Variants in RIT2 observed in about 807,000 individuals in gnomAD.
RIT2 encodes the protein GTP-binding protein Rit2.
In RIT2, 24 loss-of-function variants were observed where a neutral mutation model predicts 23.7. The ratio of observed to expected loss-of-function variants is 1.01; its 90% CI spans 0.73 to 1.43. The LOEUF is 1.43. Ranked by LOEUF, RIT2 falls within the 40% of genes most tolerant of loss-of-function variation. The probability of loss-of-function intolerance (pLI) is 0.00; values close to 1 mark genes in which losing one functional copy is unlikely to be tolerated. For synonymous variants in RIT2, 107 were observed against 91.1 expected (o/e 1.17, Z -0.99); for missense variants, 236 against 266.9 (o/e 0.88, Z 0.81).
At chr18:42,933,582 T>C (rs986743788) in intron 3 of RIT2, among the ~76,000 whole-genome samples, 1 of 152,152 alleles carries the variant, frequency 6.6e-6, no homozygotes, top group African/African-American at 2.4e-5. Flanking sequence ...TCATGAAATG[T>C]AATGGTTTCA....
chr18:42,977,268 C>T (rs913684010), intron 2 of RIT2, among the ~76,000 whole-genome samples: 1 of 151,296 alleles, frequency 6.6e-6, no homozygotes, highest in African/African-American at 2.5e-5. Context: ...CACAGTTTTA[C>T]ACATTATCTG....
At chr18:42,846,565 CCATCAATATATAAATGAA>C (rs1906914990) in intron 4 of RIT2, among the ~76,000 whole-genome samples, 1 of 151,788 alleles carries the variant, frequency 6.6e-6, no homozygotes, top group African/African-American at 2.4e-5. Flanking sequence ...CAAACCAAAT[CCATCAATATATAAATGAA>C]CATTAAATCA....
chr18:42,797,151 G>A (rs1905389351), intron 4 of RIT2, among the ~76,000 whole-genome samples: 1 of 152,060 alleles, frequency 6.6e-6, no homozygotes, highest in Admixed American at 6.5e-5. Context: ...ATAAATATTA[G>A]TCTCCTTCCC....
intron 4 of RIT2, among the ~76,000 whole-genome samples, chr18:42,810,708 T>A (rs575011667): frequency 6.6e-6 from 1 of 152,136 alleles, no homozygotes; most frequent in South Asian, 2.1e-4. Context: ...TTTTCTTGGC[T>A]TTCTTCAAGA....
intron 1 of RIT2, among the ~76,000 whole-genome samples, chr18:43,110,396 G>A (rs1913926156): frequency 6.6e-6 from 1 of 151,980 alleles, no homozygotes; most frequent in African/African-American, 2.4e-5. Context: ...GAATAAATTT[G>A]ATTCTGAACT....
intron 2 of RIT2, among the ~76,000 whole-genome samples, chr18:43,030,213 G>A (rs1415559253): frequency 6.6e-6 from 1 of 151,972 alleles, no homozygotes; most frequent in Non-Finnish European, 1.5e-5. Flanking sequence ...CTAAAAGAAT[G>A]CATAAAAGAA....
intron 1 of RIT2, among the ~76,000 whole-genome samples, chr18:43,098,649 T>C: frequency 6.6e-6 from 1 of 151,914 alleles, no homozygotes; most frequent in South Asian, 2.1e-4. Flanking sequence ...AACTAGTGCT[T>C]ATGAGGAAGT....
rs976806596 is a variant in RIT2 at position 42,962,272 on chromosome 18, T to C, written c.234+11802A>G. On this transcript the variant is annotated intron_variant, in intron 3 of 4. Transcript: ENST00000326695. ...CATTTTACTATTAATGGAGCTTTTC[T>C]GTATTATAGCAGGACAATGAGAAAA... 6.6e-5 allele frequency among the ~76,000 whole-genome samples: 10 copies of C among 152,200 alleles called. No individual in the cohort carries two copies. In the East Asian group the frequency reaches 1.7e-3, roughly 26 times the overall value.
chr18:42,750,999 A>ATAAT (rs1320576519), intron 4 of RIT2, among the ~76,000 whole-genome samples: 43 of 151,920 alleles, frequency 2.8e-4, no homozygotes, highest in African/African-American at 1.0e-3. Context: ...CTGTAAACCT[A>ATAAT]TAATTGTTCA....
chr18:42,852,403 A>G (rs1907078192), intron 4 of RIT2, among the ~76,000 whole-genome samples: 1 of 152,194 alleles, frequency 6.6e-6, no homozygotes, highest in South Asian at 2.1e-4. Context: ...AGGATACATA[A>G]CAAAATATTA....
intron 3 of RIT2, among the ~76,000 whole-genome samples, chr18:42,955,477 A>AGAGGGT (rs1464840670): frequency 3.3e-5 from 5 of 152,148 alleles, no homozygotes; most frequent in Admixed American, 3.3e-4. Flanking sequence ...TAAGTTTTAA[A>AGAGGGT]GAGGGTACTG....
At chr18:42,982,347 A>G (rs1910616844) in intron 2 of RIT2, among the ~76,000 whole-genome samples, 1 of 152,130 alleles carries the variant, frequency 6.6e-6, no homozygotes, top group Admixed American at 6.5e-5. Flanking sequence ...GGTGCTGCCA[A>G]CGTTGATGGC....
At chr18:42,857,242 G>A (rs1311045700) in intron 4 of RIT2, among the ~76,000 whole-genome samples, 2 of 152,178 alleles carry the variant, frequency 1.3e-5, no homozygotes, top group Non-Finnish European at 2.9e-5. Context: ...AACATTATGT[G>A]TCCTAAAATA....
intron 1 of RIT2, among the ~76,000 whole-genome samples, chr18:43,041,683 T>C (rs1912132202): frequency 6.6e-6 from 1 of 152,130 alleles, no homozygotes; most frequent in African/African-American, 2.4e-5. Flanking sequence ...CATGCACATA[T>C]TTTTATTTAA....
chr18:42,744,365 C>A (rs1377245951), intron 4 of RIT2, among the ~76,000 whole-genome samples: 2 of 152,002 alleles, frequency 1.3e-5, no homozygotes, highest in Admixed American at 6.6e-5. Flanking sequence ...AAGAGAGAAT[C>A]CTAGAATTTT....
chr18:43,030,699 A>C (rs1911833814), intron 2 of RIT2, among the ~76,000 whole-genome samples: 2 of 152,142 alleles, frequency 1.3e-5, no homozygotes, highest in East Asian at 1.9e-4. Flanking sequence ...CAGTTTTAAA[A>C]CCTGTTATAA....
chr18:42,883,153 T>C (rs764165170), intron 4 of RIT2, among the ~76,000 whole-genome samples: 1 of 152,096 alleles, frequency 6.6e-6, no homozygotes, highest in Non-Finnish European at 1.5e-5. Flanking sequence ...TGTGCGTGTG[T>C]GTGTGTGTCT....
intron 1 of RIT2, among the ~76,000 whole-genome samples, chr18:43,102,490 T>C (rs1913710423): frequency 6.8e-6 from 1 of 146,388 alleles, no homozygotes; most frequent in Non-Finnish European, 1.5e-5. Flanking sequence ...TCCACAGTTC[T>C]GGTGTGCGGT....
chr18:43,077,883 G>C (rs1025722110), intron 1 of RIT2, among the ~76,000 whole-genome samples: 2 of 152,128 alleles, frequency 1.3e-5, no homozygotes, highest in African/African-American at 4.8e-5. Flanking sequence ...AATGTATTAT[G>C]CTTCCATTTT....
Sources: allele counts gnomAD v4.1 joint callset (sites outside exome capture counted in the v4.1 genomes callset), GRCh38; gene constraint gnomAD v4.1.1; transcripts MANE v1.5; gene names NCBI Gene and HGNC (gene_info 2026-07-23, HGNC 2026-07-21).